The following ADAMTS3 variants were observed in gnomAD, a reference collection of about 807,000 sequenced individuals.
The protein encoded by ADAMTS3 is ADAM metallopeptidase with thrombospondin type 1 motif 3.
Under a neutral mutation model 129.0 loss-of-function variants are expected in ADAMTS3, and 73 were observed. The ratio of observed to expected loss-of-function variants is 0.57; its 90% CI spans 0.47 to 0.69. ADAMTS3 has a LOEUF of 0.69. Among genes scored for constraint, ADAMTS3 ranks in the 30% least tolerant of loss-of-function variants. ADAMTS3 has a pLI of 0.00. For missense variants in ADAMTS3, 1,457 were observed against 1,514.5 expected, an observed-to-expected ratio of 0.96 and a Z score of 0.63; for synonymous variants, 477 against 510.8, an observed-to-expected ratio of 0.93 and a Z score of 0.89.
At chr4:72,523,433 A>G (rs2109746104) in intron 3 of ADAMTS3, among the ~76,000 whole-genome samples, 1 of 152,200 alleles carries the variant, frequency 6.6e-6, no homozygotes, top group East Asian at 1.9e-4. Flanking sequence ...TATGAAAACA[A>G]CTTAAACCAA....
intron 3 of ADAMTS3, among the ~76,000 whole-genome samples, chr4:72,460,204 A>G (rs1351617374): frequency 6.6e-6 from 1 of 151,602 alleles, no homozygotes; most frequent in African/African-American, 2.4e-5. Context: ...CTAAATAAGC[A>G]CAAAATTATT....
chr4:72,318,689 G>T lies in ADAMTS3; in HGVS notation c.1368C>A (p.Leu456=). The change falls in exon 10 of 22, where the codon CTC becomes CTA. Residue 456 remains leucine, a synonymous_variant. Transcript: ENST00000286657. ...AATCATGATCAAAAGGGTCATCAAG[G>T]AGACAGTCATAGGAACTGTAGGAAG... ...LKRYIHSYDC[L]LDDPFDHDWP... 1 of 1,613,614 alleles carries T rather than the reference G, an allele frequency of 6.2e-7. No individual in the cohort carries two copies. Among genetic ancestry groups the T allele is most frequent in the Non-Finnish European group, 8.5e-7 (1 of 1,179,762 alleles).
chr4:72,314,199 C>T (rs72862325), intron 11 of ADAMTS3, among the ~76,000 whole-genome samples: 10,192 of 152,172 alleles, frequency 0.067, 1,139 homozygotes, highest in African/African-American at 0.23. Flanking sequence ...TTGAGGGCTA[C>T]ATGATCTTTT....
At chr4:72,398,507 G>C (rs763576554) in intron 4 of ADAMTS3, among the ~76,000 whole-genome samples, 3 of 152,120 alleles carry the variant, frequency 2.0e-5, no homozygotes, top group African/African-American at 7.2e-5. Flanking sequence ...CCTGGGAAGC[G>C]GAGGTTGCAG....
intron 3 of ADAMTS3, among the ~76,000 whole-genome samples, chr4:72,439,395 C>T (rs183931677): frequency 2.1e-3 from 318 of 151,714 alleles, no homozygotes; most frequent in African/African-American, 7.3e-3. Context: ...CACATGTTTT[C>T]CCTCCAACAC....
chr4:72,313,189 C>T (rs755407399), intron 12 of ADAMTS3, among the ~76,000 whole-genome samples: 3 of 152,144 alleles, frequency 2.0e-5, no homozygotes, highest in Non-Finnish European at 4.4e-5. Flanking sequence ...ATAGGGAATT[C>T]AGTAATTGTA....
chr4:72,526,034 C>A (rs1211537008), intron 3 of ADAMTS3, among the ~76,000 whole-genome samples: 1 of 152,150 alleles, frequency 6.6e-6, no homozygotes, highest in Non-Finnish European at 1.5e-5. Flanking sequence ...AGCACTAGCC[C>A]TTCAAGGGCT....
intron 3 of ADAMTS3, among the ~76,000 whole-genome samples, chr4:72,419,986 A>G (rs1278645017): frequency 6.6e-6 from 1 of 152,212 alleles, no homozygotes; most frequent in East Asian, 1.9e-4. Context: ...AGAAGCTAAA[A>G]TAACAGTCCA....
At chr4:72,287,815 G>T (rs774763238) in intron 21 of ADAMTS3, among the ~76,000 whole-genome samples, 15 of 152,088 alleles carry the variant, frequency 9.9e-5, no homozygotes, top group Non-Finnish European at 1.9e-4. Flanking sequence ...GGAAATGGAG[G>T]CAGAAGGAGA....
intron 4 of ADAMTS3, among the ~76,000 whole-genome samples, chr4:72,406,465 A>G (rs1267390188): frequency 1.3e-5 from 2 of 152,176 alleles, no homozygotes; most frequent in Non-Finnish European, 2.9e-5. Context: ...AAATCCTTTT[A>G]TTAATAAAAT....
chr4:72,417,944 AG>A (rs1722350509), intron 3 of ADAMTS3, among the ~76,000 whole-genome samples: 1 of 150,172 alleles, frequency 6.7e-6, no homozygotes, highest in Admixed American at 6.7e-5. Flanking sequence ...AAAAAAAAAA[AG>A]TAAGTACTTT....
At chr4:72,426,042 G>A (rs1487026875) in intron 3 of ADAMTS3, among the ~76,000 whole-genome samples, 1 of 152,172 alleles carries the variant, frequency 6.6e-6, no homozygotes, top group Non-Finnish European at 1.5e-5. Flanking sequence ...AGTGTGAGAT[G>A]GTATCTCACT....
chr4:72,475,038 G>GA (rs1009734882), intron 3 of ADAMTS3, among the ~76,000 whole-genome samples: 3 of 148,974 alleles, frequency 2.0e-5, no homozygotes, highest in Non-Finnish European at 4.5e-5. Context: ...AAAAAAAAAA[G>GA]AAAAAAGAAT....
At chr4:72,291,692 A>G (rs1718673655) in intron 19 of ADAMTS3, among the ~76,000 whole-genome samples, 1 of 151,740 alleles carries the variant, frequency 6.6e-6, no homozygotes, top group Non-Finnish European at 1.5e-5. Flanking sequence ...GCTATTGTGA[A>G]TAGTGCCGCA....
chr4:72,473,601 CAA>C (rs1363323711), intron 3 of ADAMTS3, among the ~76,000 whole-genome samples: 1 of 151,694 alleles, frequency 6.6e-6, no homozygotes, highest in African/African-American at 2.4e-5. Context: ...CAGCACAGGC[CAA>C]GTGGGGAGCT....
At chr4:72,465,923 G>C (rs1017476211) in intron 3 of ADAMTS3, among the ~76,000 whole-genome samples, 3 of 151,952 alleles carry the variant, frequency 2.0e-5, no homozygotes, top group African/African-American at 7.2e-5. Context: ...ATGTGACTTT[G>C]CTCCTCATTC....
intron 3 of ADAMTS3, among the ~76,000 whole-genome samples, chr4:72,490,494 T>A (rs1719711380): frequency 6.6e-6 from 1 of 151,940 alleles, no homozygotes; most frequent in African/African-American, 2.4e-5. Flanking sequence ...TCTTAAGAGT[T>A]AAGCTTTTAA....
intron 3 of ADAMTS3, among the ~76,000 whole-genome samples, chr4:72,454,658 C>T (rs1184512714): frequency 1.3e-5 from 2 of 151,608 alleles, no homozygotes; most frequent in African/African-American, 2.4e-5. Context: ...TCAAAAATTA[C>T]CTTTGTAAAA....
chr4:72,340,854 C>A (rs1459105200), intron 4 of ADAMTS3, among the ~76,000 whole-genome samples: 1 of 151,948 alleles, frequency 6.6e-6, no homozygotes, highest in Non-Finnish European at 1.5e-5. Flanking sequence ...ACATAAAAAC[C>A]AAAAATATTT....
Sources: allele counts gnomAD v4.1 joint callset (sites outside exome capture counted in the v4.1 genomes callset), GRCh38; gene constraint gnomAD v4.1.1; transcripts MANE v1.5; gene names NCBI Gene and HGNC (gene_info 2026-07-23, HGNC 2026-07-21).